WWTR1: variants seen among roughly 807,000 people sequenced by gnomAD.
WWTR1 encodes WW domain-containing transcription regulator protein 1.
WWTR1 carries 13 observed loss-of-function variants against 40.1 expected under a neutral mutation model. That is an observed-to-expected ratio of 0.32 (90% confidence interval 0.21 to 0.52). The LOEUF is 0.52. Among genes scored for constraint, WWTR1 ranks in the 20% least tolerant of loss-of-function variants. The pLI is 0.97. For synonymous variants in WWTR1, 230 were observed against 210.1 expected, an observed-to-expected ratio of 1.09 and a Z score of -0.82; for missense variants, 436 against 523.1, an observed-to-expected ratio of 0.83 and a Z score of 1.63.
intron 3 of WWTR1, among the ~76,000 whole-genome samples, chr3:149,566,671 C>T (rs549053042): frequency 2.4e-4 from 36 of 152,300 alleles, no homozygotes; most frequent in African/African-American, 7.9e-4. Context: ...CCCAGGGCTT[C>T]GATATCCCTT....
At chr3:149,719,130 T>G (rs7631106) in intron 4 of WWTR1, among the ~76,000 whole-genome samples, 100 of 151,992 alleles carry the variant, frequency 6.6e-4, no homozygotes, top group African/African-American at 2.3e-3. Flanking sequence ...CTGGCCTGAA[T>G]TTTCTTCCTT....
intron 2 of WWTR1, among the ~76,000 whole-genome samples, chr3:149,645,693 G>T (rs1403037874): frequency 1.3e-5 from 2 of 152,310 alleles, no homozygotes; most frequent in Admixed American, 6.5e-5. Context: ...AGGTGCCCAG[G>T]TGCCCCTTTG....
upstream of WWTR1, among the ~76,000 whole-genome samples, chr3:149,659,160 A>T (rs1713447118): frequency 6.6e-6 from 1 of 152,094 alleles, no homozygotes; most frequent in African/African-American, 2.4e-5. Flanking sequence ...ATGGCGAGGT[A>T]AGCCAAATTC....
chr3:149,683,164 C>A (rs987386153), intron 1 of WWTR1, among the ~76,000 whole-genome samples: 2 of 152,200 alleles, frequency 1.3e-5, no homozygotes, highest in Non-Finnish European at 2.9e-5. Context: ...TTCATCCTCA[C>A]AACCACCCTA....
Position 149,542,052 on chromosome 3 carries a change from G to A in WWTR1, c.771+283C>T, listed in dbSNP as rs73152694. On this transcript the variant is annotated intron_variant, in intron 4 of 6. Coordinates refer to ENST00000360632, the MANE Select transcript of WWTR1 (RefSeq NM_015472.6). ...ATTTGTTACACAACAACAGACTCTT[G>A]TCTCTCTACTTTCTCCTTTCTCTCC... 7.4e-3 allele frequency among the ~76,000 whole-genome samples: 1,122 copies of A among 152,298 alleles called. 10 individuals are homozygous for A. Among genetic ancestry groups the A allele is most frequent in the Non-Finnish European group, 0.01 (700 of 68,028 alleles).
chr3:149,656,785 TCTCTCTCACA>T (rs1412267329), intron 2 of WWTR1, 81 bp downstream of exon 2: 16 of 876,544 alleles, frequency 1.8e-5, no homozygotes, highest in Non-Finnish European at 2.2e-5. Flanking sequence ...TCTCTCTCTC[TCTCTCTCACA>T]CACACACACA....
intron 3 of WWTR1, among the ~76,000 whole-genome samples, chr3:149,542,993 A>C (rs1414344730): frequency 6.6e-6 from 1 of 152,182 alleles, no homozygotes; most frequent in Non-Finnish European, 1.5e-5. Flanking sequence ...GTGAATTGAC[A>C]AACAACATGT....
chr3:149,652,089 C>T (rs1486385238), intron 2 of WWTR1, among the ~76,000 whole-genome samples: 1 of 150,284 alleles, frequency 6.7e-6, no homozygotes, highest in South Asian at 2.1e-4. Flanking sequence ...GTGATCCGCC[C>T]GCCTCGGCCT....
intron 1 of WWTR1, among the ~76,000 whole-genome samples, chr3:149,674,026 C>A (rs1281297102): frequency 7.1e-6 from 1 of 141,692 alleles, no homozygotes; most frequent in African/African-American, 2.6e-5. Context: ...AGAAGACCGG[C>A]CTAGGCAACA....
intron 2 of WWTR1, among the ~76,000 whole-genome samples, chr3:149,574,132 G>A (rs1317887072): frequency 6.6e-6 from 1 of 152,064 alleles, no homozygotes; most frequent in East Asian, 1.9e-4. Context: ...CTGGGCTGAA[G>A]CAATCTTCCC....
At position 149,569,244 on chromosome 3, in the gene WWTR1, C is replaced by T. The variant is rs1737510643; in HGVS notation, c.568+3620G>A. Among the ~76,000 whole-genome samples, 2 of 152,178 alleles carry T rather than the reference C, an allele frequency of 1.3e-5. 1 individual carries two copies. The highest frequency in any genetic ancestry group is 4.1e-4 in the South Asian group (2 of 4,826). ...AATAAATCATTTTTATTCTAGAAAGCACTTATAAAGAACAGTTAAATTGTC... is the reference window on the plus strand; with the variant it reads ...AATAAATCATTTTTATTCTAGAAAGTACTTATAAAGAACAGTTAAATTGTC... On this transcript the variant is annotated intron_variant, in intron 3 of 6. Coordinates refer to ENST00000360632, the MANE Select transcript of WWTR1 (RefSeq NM_015472.6).
At chr3:149,560,339 A>G (rs928953245) in intron 3 of WWTR1, among the ~76,000 whole-genome samples, 1 of 152,228 alleles carries the variant, frequency 6.6e-6, no homozygotes, top group Non-Finnish European at 1.5e-5. Flanking sequence ...CAAAGAAGAC[A>G]TGCTGAGGAT....
chr3:149,573,364 C>T (rs1576571112), intron 2 of WWTR1, among the ~76,000 whole-genome samples: 1 of 152,224 alleles, frequency 6.6e-6, no homozygotes, highest in East Asian at 1.9e-4. Context: ...GAGCTCCTTC[C>T]TGGAAGGGGA....
intron 1 of WWTR1, among the ~76,000 whole-genome samples, chr3:149,686,255 T>C (rs1328927633): frequency 6.6e-6 from 1 of 152,200 alleles, no homozygotes; most frequent in Non-Finnish European, 1.5e-5. Flanking sequence ...TCAGGCTAGA[T>C]CCATTCATGG....
At chr3:149,672,426 T>G (rs76545452) in intron 1 of WWTR1, among the ~76,000 whole-genome samples, 2 of 152,176 alleles carry the variant, frequency 1.3e-5, no homozygotes, top group African/African-American at 4.8e-5. Context: ...TGGGGAAAAG[T>G]AGGCTACCTA....
intron 2 of WWTR1, among the ~76,000 whole-genome samples, chr3:149,651,438 A>G (rs1712856876): frequency 6.6e-6 from 1 of 152,246 alleles, no homozygotes; most frequent in Non-Finnish European, 1.5e-5. Flanking sequence ...TCAGAACGGC[A>G]CAGAACGAGA....
At chr3:149,544,010 C>A (rs1736256481) in intron 3 of WWTR1, among the ~76,000 whole-genome samples, 1 of 151,682 alleles carries the variant, frequency 6.6e-6, no homozygotes, top group African/African-American at 2.4e-5. Flanking sequence ...TCAAGCAATC[C>A]TCTTACCTTG....
At chr3:149,605,154 C>T (rs908475581) in intron 2 of WWTR1, among the ~76,000 whole-genome samples, 4 of 152,138 alleles carry the variant, frequency 2.6e-5, no homozygotes, top group Non-Finnish European at 4.4e-5. Context: ...GGTCACAGGG[C>T]CTCTCATAAG....
intron 3 of WWTR1, among the ~76,000 whole-genome samples, chr3:149,560,959 C>CA (rs1264225366): frequency 4.0e-5 from 6 of 150,530 alleles, no homozygotes; most frequent in Non-Finnish European, 1.5e-5. Context: ...AAGTAACACC[C>CA]CCCCCCGCAA....
Sources: gnomAD v4.1 joint callset for allele counts (sites outside exome capture counted in the v4.1 genomes callset) on GRCh38, gnomAD v4.1.1 for gene constraint, MANE v1.5 for transcripts, NCBI Gene and HGNC (gene_info 2026-07-23, HGNC 2026-07-21) for gene names.